The following DIP2C variants were observed in gnomAD, a reference collection of about 807,000 sequenced individuals.
DIP2C encodes the protein disco-interacting protein 2 homolog C.
In DIP2C, 33 loss-of-function variants were observed where a neutral mutation model predicts 192.4. That is an observed-to-expected ratio of 0.17 (90% CI 0.13 to 0.23). The LOEUF is 0.23. DIP2C is among the 10% of genes least tolerant of loss of function. The probability of loss-of-function intolerance (pLI) is 1.00; values close to 1 mark genes in which losing one functional copy is unlikely to be tolerated. For missense variants in DIP2C, 1,537 were observed against 2,110.1 expected, an observed-to-expected ratio of 0.73 and a Z score of 5.32; for synonymous variants, 979 against 864.1, an observed-to-expected ratio of 1.13 and a Z score of -2.33.
intron 1 of DIP2C, among the ~76,000 whole-genome samples, chr10:676,638 CAAG>C (rs1387865049): frequency 6.6e-6 from 1 of 151,746 alleles, no homozygotes; most frequent in Non-Finnish European, 1.5e-5. Flanking sequence ...AAAAAGAAAT[CAAG>C]AAAGCAATCC....
chr10:345,279 A>C (rs952445496), intron 26 of DIP2C, 169 bp from the exon 27 acceptor site: 3 of 736,728 alleles, frequency 4.1e-6, no homozygotes, highest in Non-Finnish European at 7.2e-6. Context: ...CTAGGAGTCT[A>C]GTTGTGGAGG....
At chr10:319,137 C>T (rs3132012) in intron 31 of DIP2C, among the ~76,000 whole-genome samples, 150,180 of 152,200 alleles carry the variant, frequency 0.99, 74,116 homozygotes, top group East Asian at 1. Context: ...GGTCTCGAAC[C>T]CCTGACCTCA....
At chr10:598,919 G>C (rs1298587639) in intron 1 of DIP2C, among the ~76,000 whole-genome samples, 1 of 152,218 alleles carries the variant, frequency 6.6e-6, no homozygotes, top group African/African-American at 2.4e-5. Flanking sequence ...GTTAAAAGTA[G>C]AAAAGACTGC....
chr10:579,690 CATGT>C (rs889153602), intron 1 of DIP2C, among the ~76,000 whole-genome samples: 11 of 152,098 alleles, frequency 7.2e-5, no homozygotes, highest in Admixed American at 1.3e-4. Context: ...TGCAGTATAA[CATGT>C]ATGTACACAT....
In DIP2C at chr10:277,577, A is replaced by G. The variant is rs1954579065; in HGVS notation, c.4419T>C (p.Cys1473=). The G allele has an allele frequency of 1.2e-6, 2 of 1,612,842 alleles. No individual in the cohort carries two copies. Among genetic ancestry groups the G allele is most frequent in the Non-Finnish European group, 1.7e-6 (2 of 1,179,328 alleles). Residue 1473 remains cysteine (C), a splice_region_variant and synonymous_variant, in exon 37 of 37, where the codon TGT becomes TGC. Transcript: ENST00000280886. ...ACAAATTTGTCCAGGTAAACACAGC[A>G]CTAAAAGACAGAAAAGAAAGCCATC... is the stretch of plus-strand genomic sequence containing the variant. ...VIRAHKSVTE[C]AVFTWTNLLV...
chr10:398,804 A>T (rs200066902), intron 10 of DIP2C, among the ~76,000 whole-genome samples: 1 of 292 alleles, frequency 3.4e-3, no homozygotes, highest in African/African-American at 5.3e-3. Flanking sequence ...AATAATAATT[A>T]AAAAAAAACT....
chr10:355,491 T>C (rs961287714), intron 24 of DIP2C, among the ~76,000 whole-genome samples: 1 of 152,258 alleles, frequency 6.6e-6, no homozygotes, highest in African/African-American at 2.4e-5. Flanking sequence ...CATGACTTTT[T>C]GAAGAGTTGC....
intron 17 of DIP2C, among the ~76,000 whole-genome samples, chr10:378,229 C>T (rs1961866834): frequency 6.6e-6 from 1 of 152,212 alleles, no homozygotes; most frequent in African/African-American, 2.4e-5. Flanking sequence ...GAAAAAAATA[C>T]TTTAAATGCC....
chr10:671,584 G>C (rs1830644609), intron 1 of DIP2C, among the ~76,000 whole-genome samples: 1 of 84,684 alleles, frequency 1.2e-5, no homozygotes, highest in East Asian at 3.9e-4. Flanking sequence ...CACGGACGGA[G>C]GAAACGTCAC....
intron 1 of DIP2C, among the ~76,000 whole-genome samples, chr10:672,326 C>T (rs1478692424): frequency 2.0e-5 from 3 of 152,182 alleles, no homozygotes; most frequent in Admixed American, 6.5e-5. Flanking sequence ...CACAGACCCA[C>T]GGACGAAGGA....
intron 4 of DIP2C, among the ~76,000 whole-genome samples, chr10:435,273 T>C (rs1382628482): frequency 6.6e-6 from 1 of 152,224 alleles, no homozygotes; most frequent in African/African-American, 2.4e-5. Flanking sequence ...GGTTAGTCTC[T>C]AGTTAACTAG....
chr10:645,768 T>TG (rs531947887), intron 1 of DIP2C, among the ~76,000 whole-genome samples: 136 of 151,998 alleles, frequency 8.9e-4, no homozygotes, highest in Non-Finnish European at 1.5e-3. Context: ...TATCTCTGAA[T>TG]GGGGGGGGCT....
At chr10:557,045 C>T (rs1392525295) in intron 1 of DIP2C, among the ~76,000 whole-genome samples, 2 of 152,232 alleles carry the variant, frequency 1.3e-5, no homozygotes. Context: ...GCTGTGTGCT[C>T]CCTCCTGCAG....
At chr10:598,272 G>A (rs896750735) in intron 1 of DIP2C, among the ~76,000 whole-genome samples, 3 of 151,288 alleles carry the variant, frequency 2.0e-5, no homozygotes, top group African/African-American at 7.3e-5. Flanking sequence ...GGTGAAAGCC[G>A]GCACCGGCCA....
At chr10:566,581 T>C (rs1233108730) in intron 1 of DIP2C, among the ~76,000 whole-genome samples, 2 of 152,220 alleles carry the variant, frequency 1.3e-5, no homozygotes, top group Non-Finnish European at 2.9e-5. Flanking sequence ...TCAGCACCTT[T>C]TCCTGCCCTC....
chr10:530,940 C>T (rs1847329811), intron 1 of DIP2C, among the ~76,000 whole-genome samples: 1 of 152,190 alleles, frequency 6.6e-6, no homozygotes, highest in Admixed American at 6.5e-5. Context: ...CCTTGGCAGA[C>T]TCCCGATGCC....
chr10:601,088 A>G (rs1292042130), intron 1 of DIP2C, among the ~76,000 whole-genome samples: 1 of 152,208 alleles, frequency 6.6e-6, no homozygotes, highest in Non-Finnish European at 1.5e-5. Context: ...ACTTCAGCCT[A>G]CACTCTTTAC....
In DIP2C at chr10:369,874, C is replaced by A. The variant is rs865778981; in HGVS notation, c.1992-241G>T. On this transcript the variant is annotated intron_variant, in intron 17 of 36. Transcript: ENST00000280886. Reference sequence around the variant, plus strand: ...AGGGAATCCCAAGAACACCCGTAAACTACCAACGCAGCTCCTCTCCTGCCC... The same window carrying A: ...AGGGAATCCCAAGAACACCCGTAAAATACCAACGCAGCTCCTCTCCTGCCC... 1.0e-4 allele frequency: 143 copies of A among 1,375,156 alleles called. 2 individuals are homozygous for A. In the Middle Eastern group the frequency reaches 1.9e-3, roughly 18 times the overall value. The allele number at this position is 1,375,156 out of a possible 1,614,324, so 85.2% of individuals were successfully genotyped here.
intron 32 of DIP2C, among the ~76,000 whole-genome samples, chr10:293,315 G>C (rs1955584380): frequency 6.6e-6 from 1 of 152,246 alleles, no homozygotes; most frequent in Admixed American, 6.5e-5. Context: ...TTCAAGGGGA[G>C]CAAACAGGAC....
Sources: gnomAD v4.1 joint callset for allele counts (sites outside exome capture counted in the v4.1 genomes callset) on GRCh38, gnomAD v4.1.1 for gene constraint, MANE v1.5 for transcripts, NCBI Gene and HGNC (gene_info 2026-07-23, HGNC 2026-07-21) for gene names.